Variants in CNTN4 observed in about 807,000 individuals in gnomAD.
The protein encoded by CNTN4 is contactin 4.
Under a neutral mutation model 122.5 loss-of-function variants are expected in CNTN4, and 77 were observed. The ratio of observed to expected loss-of-function variants is 0.63; its 90% CI spans 0.52 to 0.76. The LOEUF (loss-of-function observed/expected upper bound fraction) is 0.76, where lower values mean the gene tolerates loss of function less well. CNTN4 is among the 30% of genes least tolerant of loss of function. The probability of loss-of-function intolerance (pLI) is 0.00; values close to 1 mark genes in which losing one functional copy is unlikely to be tolerated. For synonymous variants in CNTN4, 512 were observed against 447.0 expected, an observed-to-expected ratio of 1.15 and a Z score of -1.83; for missense variants, 1,256 against 1,259.1, an observed-to-expected ratio of 1.00 and a Z score of 0.04.
intron 4 of CNTN4, among the ~76,000 whole-genome samples, chr3:2,733,715 T>A (rs753076571): frequency 1.3e-5 from 2 of 151,894 alleles, no homozygotes; most frequent in Non-Finnish European, 2.9e-5. Context: ...TTTGAATTTT[T>A]AGTAGTGATG....
At chr3:2,427,858 T>C in intron 3 of CNTN4, among the ~76,000 whole-genome samples, 1 of 151,942 alleles carries the variant, frequency 6.6e-6, no homozygotes, top group East Asian at 1.9e-4. Flanking sequence ...TCTTTGTTGG[T>C]TTAAAGTCTG....
chr3:2,882,503 A>C (rs913426629), intron 8 of CNTN4, among the ~76,000 whole-genome samples: 1 of 152,246 alleles, frequency 6.6e-6, no homozygotes, highest in Non-Finnish European at 1.5e-5. Flanking sequence ...AAGTGGGAGA[A>C]TATGACCCTC....
chr3:2,260,261 A>G (rs2040774664), intron 2 of CNTN4, among the ~76,000 whole-genome samples: 1 of 152,074 alleles, frequency 6.6e-6, no homozygotes, highest in African/African-American at 2.4e-5. Flanking sequence ...CCTGCGCATT[A>G]TAGGAAGTTC....
At chr3:2,321,111 A>C (rs2043262291) in intron 2 of CNTN4, among the ~76,000 whole-genome samples, 1 of 152,146 alleles carries the variant, frequency 6.6e-6, no homozygotes, top group East Asian at 1.9e-4. Flanking sequence ...AGCAGTCTGA[A>C]GAAGCTCTGT....
chr3:2,266,216 T>C (rs1411139845), intron 2 of CNTN4, among the ~76,000 whole-genome samples: 1 of 152,082 alleles, frequency 6.6e-6, no homozygotes, highest in African/African-American at 2.4e-5. Flanking sequence ...TATATGACCT[T>C]AATCACGTTG....
Position 2,187,482 on chromosome 3 carries a change from C to T in CNTN4, c.-145+86843C>T, listed in dbSNP as rs9968167. Among the ~76,000 whole-genome samples the T allele has an allele frequency of 8.5e-3, 1,290 of 152,230 alleles. 15 individuals carry two copies. Among genetic ancestry groups the T allele is most frequent in the African/African-American group, 0.029 (1,211 of 41,536 alleles). ...CCTCATAGCTCTGCTCTCTGAAGCA[C>T]GCCTCTGCTATGGCTGGAGTCCCTT... On this transcript the variant is annotated intron_variant, in intron 2 of 24. Transcript: ENST00000418658.
intron 2 of CNTN4, among the ~76,000 whole-genome samples, chr3:2,235,867 G>T (rs908853419): frequency 6.6e-6 from 1 of 152,050 alleles, no homozygotes; most frequent in African/African-American, 2.4e-5. Context: ...TGTTCTAAGT[G>T]CTGGAATACA....
At chr3:2,924,099 T>A (rs565111725) in intron 12 of CNTN4, among the ~76,000 whole-genome samples, 124 of 152,234 alleles carry the variant, frequency 8.1e-4, no homozygotes, top group African/African-American at 2.3e-3. Flanking sequence ...AAATTTTACC[T>A]TCGCATGAGA....
At chr3:2,498,138 T>C (rs1042025539) in intron 3 of CNTN4, among the ~76,000 whole-genome samples, 81 of 152,326 alleles carry the variant, frequency 5.3e-4, no homozygotes, top group Admixed American at 1.3e-3. Flanking sequence ...TTTGCAAATA[T>C]ATATGAATAC....
intron 3 of CNTN4, among the ~76,000 whole-genome samples, chr3:2,557,166 A>G (rs368437193): frequency 2.2e-4 from 34 of 152,300 alleles, no homozygotes; most frequent in Middle Eastern, 3.4e-3. Flanking sequence ...TAGTTTCCAC[A>G]GATAACTAAA....
intron 2 of CNTN4, among the ~76,000 whole-genome samples, chr3:2,140,871 T>G (rs1013335030): frequency 6.6e-6 from 1 of 152,196 alleles, no homozygotes; most frequent in Non-Finnish European, 1.5e-5. Flanking sequence ...CTTTGATATG[T>G]GTATGAGTTG....
intron 11 of CNTN4, among the ~76,000 whole-genome samples, chr3:2,901,859 G>C (rs2094177809): frequency 6.6e-6 from 1 of 152,200 alleles, no homozygotes; most frequent in African/African-American, 2.4e-5. Flanking sequence ...AATTATGACA[G>C]ATGAAGGGTC....
chr3:2,905,852 A>G (rs114861062), intron 12 of CNTN4, among the ~76,000 whole-genome samples: 1,803 of 152,356 alleles, frequency 0.012, 36 homozygotes, highest in African/African-American at 0.041. Context: ...TCAGAATGAA[A>G]TGGCTGGAAC....
rs541695612 is a variant in CNTN4, at chr3:2,485,250, C to T, written c.-88-86166C>T. Among the ~76,000 whole-genome samples the T allele has an allele frequency of 7.9e-4, 121 of 152,350 alleles. 2 individuals carry two copies. Among genetic ancestry groups the T allele is most frequent in the South Asian group, 6.8e-3 (33 of 4,832 alleles). ...CCGCAGACAGCACCTCCCCCTGCTC[C>T]GCGGTGCCCGGTCCCATCGACTGCC... On this transcript the variant is annotated intron_variant, in intron 3 of 24. Transcript: ENST00000418658.
chr3:2,602,501 A>G (rs2081089152), intron 4 of CNTN4, among the ~76,000 whole-genome samples: 1 of 152,212 alleles, frequency 6.6e-6, no homozygotes, highest in Non-Finnish European at 1.5e-5. Flanking sequence ...TGCTTCAAAG[A>G]GAATAAAATA....
intron 3 of CNTN4, among the ~76,000 whole-genome samples, chr3:2,347,085 A>C (rs1420728631): frequency 2.0e-5 from 3 of 152,142 alleles, no homozygotes; most frequent in Non-Finnish European, 4.4e-5. Flanking sequence ...TTTGTTGTTC[A>C]TCAGTGTCTA....
intron 7 of CNTN4, among the ~76,000 whole-genome samples, chr3:2,835,951 G>T (rs1317069605): frequency 1.3e-5 from 2 of 151,988 alleles, no homozygotes; most frequent in African/African-American, 4.8e-5. Flanking sequence ...CATCCAAGAG[G>T]AGCTTTGAGA....
rs781000822 is a variant in CNTN4 at position 2,659,480 on chromosome 3, AAAGAAGAAG to A, written c.56-76723_56-76715del. On this transcript the variant is annotated intron_variant, in intron 4 of 24. Coordinates refer to ENST00000418658, the MANE Select transcript of CNTN4 (RefSeq NM_175607.3). The stretch of plus-strand genomic sequence containing the variant: ...CATCTCAAAAAAAAAAAAAAAAAAA[AAAGAAGAAG>A]AAGAAGAAGAAAAAGAAGGAAGAGA... Among the ~76,000 whole-genome samples, 1,053 of 132,492 alleles carry A rather than the reference AAAGAAGAAG, an allele frequency of 7.9e-3. 8 individuals are homozygous for A. Among genetic ancestry groups the A allele is most frequent in the Admixed American group, 0.012 (145 of 12,036 alleles). The allele number at this position is 132,492 out of a possible 152,430, so 86.9% of individuals were successfully genotyped here. A position where few individuals can be genotyped will look rare whatever the true frequency, so the allele number is the denominator to read the frequency against.
chr3:2,140,865 G>C (rs367799673), intron 2 of CNTN4, among the ~76,000 whole-genome samples: 1 of 152,096 alleles, frequency 6.6e-6, no homozygotes, highest in Admixed American at 6.6e-5. Context: ...CCAGGTCTTT[G>C]ATATGTGTAT....
Sources: allele counts gnomAD v4.1 joint callset (sites outside exome capture counted in the v4.1 genomes callset), GRCh38; gene constraint gnomAD v4.1.1; transcripts MANE v1.5; gene names NCBI Gene and HGNC (gene_info 2026-07-23, HGNC 2026-07-21).